Variants in ADCY1 observed in about 807,000 individuals in gnomAD.
ADCY1 encodes the protein adenylate cyclase 1.
A neutral mutation model predicts 105.4 loss-of-function variants in ADCY1; 28 were observed. The observed-to-expected ratio is 0.27, with a 90% CI of 0.20 to 0.36. ADCY1 has a LOEUF of 0.36. Among genes scored for constraint, ADCY1 ranks in the 10% least tolerant of loss-of-function variants. The pLI, the probability that ADCY1 is intolerant of heterozygous loss-of-function variation, is 1.00. For synonymous variants in ADCY1, 655 were observed against 623.8 expected (o/e 1.05, Z -0.75); for missense variants, 977 against 1,434.2 (o/e 0.68, Z 5.15).
In ADCY1 at chr7:45,703,818, T is replaced by C. The variant is rs543855545; in HGVS notation, c.2718+72T>C. On this transcript the variant is annotated intron_variant, in intron 16 of 19. Coordinates refer to ENST00000297323, the MANE Select transcript of ADCY1 (RefSeq NM_021116.4). The surrounding 1 kb of genome is among the most constrained non-coding windows in gnomAD (Gnocchi z 5.9). ...CATCCTGTTGCGTGGGCAGAGCGTGTCTCACAATATGTCACATTCTTCGTA... is the reference window on the plus strand; with the variant it reads ...CATCCTGTTGCGTGGGCAGAGCGTGCCTCACAATATGTCACATTCTTCGTA... The C allele has an allele frequency of 2.6e-4, 393 of 1,497,968 alleles. 1 individual carries two copies. In the Middle Eastern group the frequency reaches 2.7e-3, roughly 10 times the overall value. 92.8% of individuals were successfully genotyped at this position (1,497,968 alleles called of 1,614,324 possible).
At chr7:45,631,564 A>G (rs1489030215) in intron 4 of ADCY1, among the ~76,000 whole-genome samples, 3 of 152,244 alleles carry the variant, frequency 2.0e-5, no homozygotes, top group Non-Finnish European at 4.4e-5. Context: ...CTTATTCTCA[A>G]TTTTATAAGC....
chr7:45,582,866 A>G (rs552691849), intron 1 of ADCY1, among the ~76,000 whole-genome samples: 4 of 152,272 alleles, frequency 2.6e-5, no homozygotes, highest in African/African-American at 4.8e-5. Flanking sequence ...GGCAAGGAGA[A>G]TAGGAGCCCA....
chr7:45,638,736 G>T (rs181555818), intron 4 of ADCY1, among the ~76,000 whole-genome samples: 4 of 152,002 alleles, frequency 2.6e-5, no homozygotes, highest in African/African-American at 9.7e-5. Flanking sequence ...TGGGAGTATG[G>T]CAGCAATGGA....
intron 2 of ADCY1, among the ~76,000 whole-genome samples, chr7:45,604,249 T>C (rs1166319841): frequency 2.6e-5 from 4 of 152,236 alleles, no homozygotes; most frequent in South Asian, 2.1e-4. Context: ...ATGTTCTAGA[T>C]AACAGTACTT....
Position 45,708,249 on chromosome 7 carries a change from C to T in ADCY1, c.2818-101C>T, listed in dbSNP as rs1045455892. ...TGCCTATAGCCAGGCACTCAGAGTG[C>T]CTTCCTCTGAAAGTGCAGCTGTTGG... On this transcript the variant is annotated intron_variant, in intron 17 of 19. Coordinates refer to ENST00000297323, the MANE Select transcript of ADCY1 (RefSeq NM_021116.4). The surrounding 1 kb of genome is among the most constrained non-coding windows in gnomAD (Gnocchi z 4.7). 1 of 728,156 alleles carries T rather than the reference C, an allele frequency of 1.4e-6. No homozygotes were observed. The highest frequency in any genetic ancestry group is 2.4e-6 in the Non-Finnish European group (1 of 410,376). The allele number at this position is 728,156 out of a possible 1,614,324, so 45.1% of individuals were successfully genotyped here.
intron 18 of ADCY1, among the ~76,000 whole-genome samples, chr7:45,709,005 A>AT (rs1279190436): frequency 6.6e-6 from 1 of 151,920 alleles, no homozygotes; most frequent in Non-Finnish European, 1.5e-5. Context: ...TTTTCTTGAG[A>AT]TGTAGACAGT....
intron 8 of ADCY1, among the ~76,000 whole-genome samples, chr7:45,664,891 G>T (rs151247376): frequency 1.3e-5 from 2 of 152,112 alleles, no homozygotes; most frequent in Non-Finnish European, 2.9e-5. Context: ...TTTAAGTCCC[G>T]CATGCATTAG....
intron 14 of ADCY1, among the ~76,000 whole-genome samples, chr7:45,690,614 A>C (rs1027543983): frequency 1.3e-5 from 2 of 152,146 alleles, no homozygotes; most frequent in Non-Finnish European, 2.9e-5. Context: ...ACCGGTGGGG[A>C]ATGGACTGCA....
chr7:45,712,533 C>G (rs1179205637), intron 19 of ADCY1, among the ~76,000 whole-genome samples: 2 of 152,160 alleles, frequency 1.3e-5, no homozygotes, highest in Non-Finnish European at 2.9e-5. Context: ...AGGATATCAC[C>G]CTTGCACTCA....
Position 45,721,793 on chromosome 7 carries a change from G to C in ADCY1, c.*7798G>C, listed in dbSNP as rs1785478801. Reference sequence around the variant, plus strand: ...ACAACCACCAGAGCACATGTGCTCTGACCCTCTCCTGGGCATTGGTTCCTG... The same window carrying C: ...ACAACCACCAGAGCACATGTGCTCTCACCCTCTCCTGGGCATTGGTTCCTG... On this transcript the variant is annotated 3_prime_UTR_variant, in exon 20 of 20. Transcript: ENST00000297323. 2.5e-6 allele frequency: 1 copy of C among 398,552 alleles called. No individual in the cohort carries two copies. The highest frequency in any genetic ancestry group is 4.4e-5 in the Admixed American group (1 of 22,718). 24.7% of individuals were successfully genotyped at this position (398,552 alleles called of 1,614,324 possible).
chr7:45,610,601 T>G (rs1793508750), intron 3 of ADCY1, 104 bp downstream of exon 3: 3 of 942,300 alleles, frequency 3.2e-6, no homozygotes, highest in African/African-American at 1.9e-5. Context: ...AAGGGATGGA[T>G]GGAGGTGGGG....
intron 2 of ADCY1, among the ~76,000 whole-genome samples, chr7:45,605,259 A>G (rs1793344183): frequency 6.6e-6 from 1 of 152,062 alleles, no homozygotes; most frequent in African/African-American, 2.4e-5. Flanking sequence ...CATCCATTGT[A>G]TTTCCCATGT....
At chr7:45,582,234 G>GTGCCA (rs949552344) in intron 1 of ADCY1, among the ~76,000 whole-genome samples, 13 of 152,216 alleles carry the variant, frequency 8.5e-5, no homozygotes, top group African/African-American at 2.9e-4. Flanking sequence ...TTGAGTAGAT[G>GTGCCA]TGCCATCCTG....
At chr7:45,662,617 C>T (rs1371182930) in intron 8 of ADCY1, among the ~76,000 whole-genome samples, 2 of 152,154 alleles carry the variant, frequency 1.3e-5, no homozygotes, top group Non-Finnish European at 2.9e-5. Flanking sequence ...AAGCCTGTGC[C>T]TCATCTGTCT....
intron 3 of ADCY1, 52 bp downstream of exon 3, chr7:45,610,549 G>A (rs751577512): frequency 4.0e-6 from 6 of 1,498,486 alleles, no homozygotes; most frequent in Non-Finnish European, 4.6e-6. Flanking sequence ...GCTGAGGTGT[G>A]GAGATAATGG....
At chr7:45,578,445 A>G (rs1454052271) in intron 1 of ADCY1, among the ~76,000 whole-genome samples, 2 of 152,192 alleles carry the variant, frequency 1.3e-5, no homozygotes, top group African/African-American at 4.8e-5. Context: ...AACTGAAAGC[A>G]TCCTATTCAA....
At chr7:45,656,263 A>G (rs1429819603) in intron 5 of ADCY1, among the ~76,000 whole-genome samples, 1 of 152,130 alleles carries the variant, frequency 6.6e-6, no homozygotes, top group East Asian at 1.9e-4. Context: ...AGATAGCGCC[A>G]CTGCACTGCA....
intron 3 of ADCY1, among the ~76,000 whole-genome samples, chr7:45,622,305 T>G (rs1335116142): frequency 2.0e-5 from 3 of 151,858 alleles, no homozygotes; most frequent in African/African-American, 4.8e-5. Flanking sequence ...TCACGTAACC[T>G]CCCCAAGAAG....
chr7:45,618,073 C>A (rs1292594245), intron 3 of ADCY1, among the ~76,000 whole-genome samples: 1 of 152,118 alleles, frequency 6.6e-6, no homozygotes, highest in Non-Finnish European at 1.5e-5. Flanking sequence ...AGAAGTAAAT[C>A]CATGTAATTT....
Sources: gnomAD v4.1 joint callset for allele counts (sites outside exome capture counted in the v4.1 genomes callset) on GRCh38, gnomAD v4.1.1 for gene constraint, Gnocchi (gnomAD v3.1) non-coding constraint, MANE v1.5 for transcripts, NCBI Gene and HGNC (gene_info 2026-07-23, HGNC 2026-07-21) for gene names.